Variants in DNAJC1 observed in about 807,000 individuals in gnomAD.
The protein encoded by DNAJC1 is DnaJ heat shock protein family (Hsp40) member C1.
In DNAJC1, 58 loss-of-function variants were observed where a neutral mutation model predicts 76.6. The observed-to-expected ratio is 0.76, with a 90% CI of 0.61 to 0.94. DNAJC1 has a LOEUF of 0.94. Among genes scored for constraint, DNAJC1 ranks in the 40% least tolerant of loss-of-function variants. The pLI, the probability that DNAJC1 is intolerant of heterozygous loss-of-function variation, is 0.00. For missense variants in DNAJC1, 689 were observed against 677.3 expected, an observed-to-expected ratio of 1.02 and a Z score of -0.19; for synonymous variants, 258 against 267.9, an observed-to-expected ratio of 0.96 and a Z score of 0.36.
At chr10:21,766,151 T>C in intron 10 of DNAJC1, 110 bp downstream of exon 10, 2 of 858,036 alleles carry the variant, frequency 2.3e-6, no homozygotes, top group Non-Finnish European at 3.8e-6. Flanking sequence ...AGATTTAGAG[T>C]TCATTAGGCA....
At chr10:21,838,731 A>T (rs1238639276) in intron 8 of DNAJC1, among the ~76,000 whole-genome samples, 2 of 152,228 alleles carry the variant, frequency 1.3e-5, no homozygotes, top group South Asian at 2.1e-4. Flanking sequence ...AATTGAACTC[A>T]GCTCTTCAAC....
intron 9 of DNAJC1, among the ~76,000 whole-genome samples, chr10:21,796,113 G>A (rs1377542475): frequency 6.6e-6 from 1 of 151,834 alleles, no homozygotes; most frequent in Non-Finnish European, 1.5e-5. Flanking sequence ...AGGATTACAG[G>A]CATGCACCAC....
At chr10:21,869,118 A>T (rs889207751) in intron 8 of DNAJC1, among the ~76,000 whole-genome samples, 1 of 151,066 alleles carries the variant, frequency 6.6e-6, no homozygotes, top group South Asian at 2.1e-4. Flanking sequence ...TCTTTTCCAG[A>T]TATCTCTTCT....
intron 8 of DNAJC1, among the ~76,000 whole-genome samples, chr10:21,809,104 G>T (rs1289154685): frequency 6.6e-6 from 1 of 152,016 alleles, no homozygotes; most frequent in East Asian, 1.9e-4. Flanking sequence ...CAAAGATTTG[G>T]TGTCTCTGAA....
At chr10:21,800,586 G>A (rs1834802155) in intron 9 of DNAJC1, among the ~76,000 whole-genome samples, 1 of 152,184 alleles carries the variant, frequency 6.6e-6, no homozygotes, top group South Asian at 2.1e-4. Flanking sequence ...GGGCTATCGT[G>A]TAACTCTTTA....
At chr10:21,871,940 G>A (rs1383830063) in intron 8 of DNAJC1, among the ~76,000 whole-genome samples, 1 of 151,754 alleles carries the variant, frequency 6.6e-6, no homozygotes, top group African/African-American at 2.4e-5. Context: ...CAGCCAAAAT[G>A]TGCAATTTTC....
At chr10:21,925,125 T>C (rs1196986828) in intron 3 of DNAJC1, among the ~76,000 whole-genome samples, 2 of 152,108 alleles carry the variant, frequency 1.3e-5, no homozygotes, top group African/African-American at 4.8e-5. Context: ...AATCCTCCCA[T>C]CTCAGCCACC....
chr10:21,864,828 C>T (rs1835971877), intron 8 of DNAJC1, among the ~76,000 whole-genome samples: 2 of 151,992 alleles, frequency 1.3e-5, no homozygotes, highest in African/African-American at 4.8e-5. Flanking sequence ...AACGTATCTG[C>T]AAAACATACA....
intron 1 of DNAJC1, among the ~76,000 whole-genome samples, chr10:21,993,976 T>C (rs569149046): frequency 4.3e-4 from 66 of 152,224 alleles, no homozygotes; most frequent in Non-Finnish European, 7.6e-4. Context: ...TAATACTTTC[T>C]ACTACCTTGT....
rs11012819 is a variant in DNAJC1, at chr10:21,898,148, C to T, written c.820+6374G>A. ...AAAATAAAGAGAAGCAGGTATAAAC[C>T]TAACAAAACACACACAGGATTTAAT... On this transcript the variant is annotated intron_variant, in intron 7 of 11. Coordinates refer to ENST00000376980, the MANE Select transcript of DNAJC1 (RefSeq NM_022365.4). Among the ~76,000 whole-genome samples the T allele has an allele frequency of 4.5e-3, 683 of 152,172 alleles. 40 individuals carry two copies. The East Asian group carries it at 0.12, about 26-fold the overall frequency.
intron 1 of DNAJC1, among the ~76,000 whole-genome samples, chr10:21,956,554 CATAT>C (rs941526809): frequency 9.9e-5 from 15 of 150,770 alleles, no homozygotes; most frequent in Admixed American, 9.9e-4. Flanking sequence ...AATACACATA[CATAT>C]ATAAATACAT....
chr10:21,864,072 T>C (rs1287345367), intron 8 of DNAJC1, among the ~76,000 whole-genome samples: 1 of 151,992 alleles, frequency 6.6e-6, no homozygotes, highest in Non-Finnish European at 1.5e-5. Flanking sequence ...CTAGGCATGG[T>C]GCCGTGTGCC....
intron 9 of DNAJC1, among the ~76,000 whole-genome samples, chr10:21,781,210 T>A (rs1207928804): frequency 6.6e-6 from 1 of 152,096 alleles, no homozygotes; most frequent in Non-Finnish European, 1.5e-5. Context: ...AACAAGGATA[T>A]CCAGAAATTG....
In DNAJC1 at chr10:21,781,632, A is replaced by T. The variant is rs1262998526; in HGVS notation, c.1099-15323T>A. 8.6e-5 allele frequency among the ~76,000 whole-genome samples: 13 copies of T among 150,660 alleles called. No homozygotes were observed. The East Asian group carries it at 2.6e-3, about 30-fold the overall frequency. On this transcript the variant is annotated intron_variant, in intron 9 of 11. Coordinates refer to ENST00000376980, the MANE Select transcript of DNAJC1 (RefSeq NM_022365.4). Reference sequence around the variant, plus strand: ...GCTACTCAGGAGGCTGAGGCAGGAGAATGGCGTGAACCTGGGAGGCGGAGC... The same window carrying T: ...GCTACTCAGGAGGCTGAGGCAGGAGTATGGCGTGAACCTGGGAGGCGGAGC...
At chr10:21,825,223 CT>C (rs1835228638) in intron 8 of DNAJC1, among the ~76,000 whole-genome samples, 1 of 151,962 alleles carries the variant, frequency 6.6e-6, no homozygotes, top group Admixed American at 6.6e-5. Context: ...CAATAACCCC[CT>C]GTCTCTAGTC....
intron 3 of DNAJC1, among the ~76,000 whole-genome samples, chr10:21,922,008 T>C (rs892183652): frequency 6.6e-6 from 1 of 151,980 alleles, no homozygotes; most frequent in African/African-American, 2.4e-5. Flanking sequence ...GTGCAACACA[T>C]TGACCAAAAT....
At chr10:21,931,738 T>C (rs1202571334) in intron 1 of DNAJC1, among the ~76,000 whole-genome samples, 2 of 152,212 alleles carry the variant, frequency 1.3e-5, no homozygotes, top group African/African-American at 4.8e-5. Context: ...GTCTAATACA[T>C]TTGATATCAC....
At chr10:21,960,123 C>G (rs1295776399) in intron 1 of DNAJC1, among the ~76,000 whole-genome samples, 2 of 152,188 alleles carry the variant, frequency 1.3e-5, no homozygotes, top group African/African-American at 4.8e-5. Flanking sequence ...ATTTTCAGCA[C>G]AGCATAGAGA....
chr10:21,836,882 G>A lies in DNAJC1; in HGVS notation c.979-30783C>T, dbSNP rs538966382. Among the ~76,000 whole-genome samples, 590 of 152,258 alleles carry A rather than the reference G, an allele frequency of 3.9e-3. 5 individuals are homozygous for A. Among genetic ancestry groups the A allele is most frequent in the African/African-American group, 0.013 (557 of 41,544 alleles). On this transcript the variant is annotated intron_variant, in intron 8 of 11. Transcript: ENST00000376980. ...AGACTCCCACACAATAATAATGGGAGAGCTCCCTCTCCCTCTCCCTCTCCG... is the reference window on the plus strand; with the variant it reads ...AGACTCCCACACAATAATAATGGGAAAGCTCCCTCTCCCTCTCCCTCTCCG...
Sources: allele counts gnomAD v4.1 joint callset (sites outside exome capture counted in the v4.1 genomes callset), GRCh38; gene constraint gnomAD v4.1.1; transcripts MANE v1.5; gene names NCBI Gene and HGNC (gene_info 2026-07-23, HGNC 2026-07-21).